Variants in PLEKHA6 observed in about 807,000 individuals in gnomAD.
PLEKHA6 encodes the protein pleckstrin homology domain containing A6, also known as pleckstrin homology domain-containing family A member 6.
Under a neutral mutation model 116.7 loss-of-function variants are expected in PLEKHA6, and 60 were observed. The observed-to-expected ratio is 0.51, with a 90% CI of 0.42 to 0.64. The LOEUF is 0.64. PLEKHA6 is among the 30% of genes least tolerant of loss of function. PLEKHA6 has a pLI of 0.00. For synonymous variants in PLEKHA6, 489 were observed against 556.1 expected, an observed-to-expected ratio of 0.88 and a Z score of 1.70; for missense variants, 1,338 against 1,422.7, an observed-to-expected ratio of 0.94 and a Z score of 0.96.
chr1:204,374,404 T>C (rs1182351456), intron 1 of PLEKHA6, among the ~76,000 whole-genome samples: 1 of 152,138 alleles, frequency 6.6e-6, no homozygotes, highest in African/African-American at 2.4e-5. Context: ...CTAGCCCCTC[T>C]CCGGCACAGA....
In PLEKHA6 at chr1:204,261,114, C is replaced by T. The variant is rs1372019415; in HGVS notation, c.524+192G>A. ...GCTCAGAGAGAAGAGGAGGAGCTGGCTAGGGGAAGAGAGACTTCAGGCTCT... is the reference window on the plus strand; with the variant it reads ...GCTCAGAGAGAAGAGGAGGAGCTGGTTAGGGGAAGAGAGACTTCAGGCTCT... On this transcript the variant is annotated intron_variant, in intron 7 of 22. Coordinates refer to ENST00000272203, the MANE Select transcript of PLEKHA6 (RefSeq NM_014935.5). This position sits in a 1 kb window ranked among gnomAD's most constrained non-coding sequence, Gnocchi z 4.0. 1.3e-5 allele frequency among the ~76,000 whole-genome samples: 2 copies of T among 152,160 alleles called. No individual in the cohort carries two copies. Among genetic ancestry groups the T allele is most frequent in the African/African-American group, 4.8e-5 (2 of 41,442 alleles).
Position 204,261,499 on chromosome 1 carries a change from A to C in PLEKHA6, c.382-51T>G, listed in dbSNP as rs1571946211. ...CTGGCCTCGGCCTCATCCACCCAGCACACAGTCACCTGTTGGGAGAAGACA... is the reference window on the plus strand; with the variant it reads ...CTGGCCTCGGCCTCATCCACCCAGCCCACAGTCACCTGTTGGGAGAAGACA... On this transcript the variant is annotated intron_variant, in intron 6 of 22. Coordinates refer to ENST00000272203, the MANE Select transcript of PLEKHA6 (RefSeq NM_014935.5). This position sits in a 1 kb window ranked among gnomAD's most constrained non-coding sequence, Gnocchi z 4.0. 1 of 1,549,614 alleles carries C rather than the reference A, an allele frequency of 6.5e-7. No individual in the cohort carries two copies.
At chr1:204,250,861 C>A (rs1358820181) in intron 9 of PLEKHA6, among the ~76,000 whole-genome samples, 1 of 152,168 alleles carries the variant, frequency 6.6e-6, no homozygotes, top group Non-Finnish European at 1.5e-5. Context: ...TTGAGTCATG[C>A]TCTGTATTTC....
At chr1:204,313,788 C>A (rs1305637709) in intron 1 of PLEKHA6, 1 of 812,956 alleles carries the variant, frequency 1.2e-6, no homozygotes. Context: ...ATTAAGCAAG[C>A]AGCAGCAAAT....
upstream of PLEKHA6, among the ~76,000 whole-genome samples, chr1:204,363,858 C>T (rs143709927): frequency 1.6e-4 from 25 of 152,118 alleles, no homozygotes; most frequent in East Asian, 4.5e-3. Flanking sequence ...TGGATTCTTG[C>T]GGTAAGTGCA....
At chr1:204,255,578 G>T (rs1194534117) in intron 9 of PLEKHA6, 1 of 700,974 alleles carries the variant, frequency 1.4e-6, no homozygotes, top group Non-Finnish European at 2.6e-6. Flanking sequence ...GTGGAGAGAT[G>T]CGACAGGAAG....
At chr1:204,365,012 C>T (rs1347161821) in intron 3 of PLEKHA6, among the ~76,000 whole-genome samples, 1 of 152,142 alleles carries the variant, frequency 6.6e-6, no homozygotes, top group Non-Finnish European at 1.5e-5. Context: ...AACAAGTGTT[C>T]TCAGGTGGGC....
chr1:204,276,346 C>T (rs1199038009), intron 1 of PLEKHA6, among the ~76,000 whole-genome samples: 1 of 152,096 alleles, frequency 6.6e-6, no homozygotes, highest in East Asian at 1.9e-4. Flanking sequence ...AACTTTATTC[C>T]CACCTCCCTC....
rs575859522 is a variant in PLEKHA6 at position 204,261,568 on chromosome 1, C to T, written c.382-120G>A. ...GCAGTCAGTTGGGCCATTCCCTGCA[C>T]CTGGGGCTCTTCCCCATGCGGAGCT... On this transcript the variant is annotated intron_variant, in intron 6 of 22. Coordinates refer to ENST00000272203, the MANE Select transcript of PLEKHA6 (RefSeq NM_014935.5). This position sits in a 1 kb window ranked among gnomAD's most constrained non-coding sequence, Gnocchi z 4.0. 8 of 1,130,076 alleles carry T rather than the reference C, an allele frequency of 7.1e-6. No individual in the cohort carries two copies. Among genetic ancestry groups the T allele is most frequent in the South Asian group, 3.1e-5 (2 of 63,622 alleles). The allele number at this position is 1,130,076 out of a possible 1,614,324, so 70.0% of individuals were successfully genotyped here. A position where few individuals can be genotyped will look rare whatever the true frequency, so the allele number is the denominator to read the frequency against.
At chr1:204,229,587 A>G (rs1169614590) in intron 18 of PLEKHA6, among the ~76,000 whole-genome samples, 1 of 151,964 alleles carries the variant, frequency 6.6e-6, no homozygotes, top group African/African-American at 2.4e-5. Context: ...TACTTGTTAA[A>G]CATGTTTTTA....
chr1:204,323,887 G>T (rs1572180632), intron 1 of PLEKHA6, among the ~76,000 whole-genome samples: 4 of 152,322 alleles, frequency 2.6e-5, no homozygotes, highest in African/African-American at 9.6e-5. Flanking sequence ...TAAATATCCT[G>T]CTTGAGGATG....
At chr1:204,297,856 G>A (rs1670437042) in intron 1 of PLEKHA6, 1 of 981,964 alleles carries the variant, frequency 1.0e-6, no homozygotes, top group Admixed American at 6.2e-5. Flanking sequence ...GGTTTTGGTT[G>A]CCCAACCTCC....
Position 204,261,508 on chromosome 1 carries a change from C to T in PLEKHA6, c.382-60G>A. On this transcript the variant is annotated intron_variant, in intron 6 of 22. Coordinates refer to ENST00000272203, the MANE Select transcript of PLEKHA6 (RefSeq NM_014935.5). The surrounding 1 kb of genome is among the most constrained non-coding windows in gnomAD (Gnocchi z 4.0). The stretch of plus-strand genomic sequence containing the variant: ...GCCTCATCCACCCAGCACACAGTCA[C>T]CTGTTGGGAGAAGACACCAACGCCC... The T allele has an allele frequency of 6.5e-7, 1 of 1,529,284 alleles. No homozygotes were observed. Among genetic ancestry groups the T allele is most frequent in the Non-Finnish European group, 8.8e-7 (1 of 1,136,268 alleles). 94.7% of individuals were successfully genotyped at this position (1,529,284 alleles called of 1,614,324 possible). A position where few individuals can be genotyped will look rare whatever the true frequency, so the allele number is the denominator to read the frequency against.
intron 1 of PLEKHA6, among the ~76,000 whole-genome samples, chr1:204,331,579 A>G (rs1324998254): frequency 6.6e-6 from 1 of 152,228 alleles, no homozygotes; most frequent in Non-Finnish European, 1.5e-5. Context: ...CAGAAGGGAC[A>G]CGATGAATAT....
At chr1:204,357,736 G>A (rs907378554) in intron 1 of PLEKHA6, among the ~76,000 whole-genome samples, 3 of 151,898 alleles carry the variant, frequency 2.0e-5, no homozygotes, top group Admixed American at 2.0e-4. Context: ...ACCGCAGCCT[G>A]TTCAGCACCA....
intron 9 of PLEKHA6, among the ~76,000 whole-genome samples, chr1:204,256,450 GA>G (rs1338546818): frequency 6.6e-6 from 1 of 152,148 alleles, no homozygotes; most frequent in Non-Finnish European, 1.5e-5. Flanking sequence ...TGCTTCAGGG[GA>G]AAAAAGTTTA....
chr1:204,282,613 C>T, intron 1 of PLEKHA6: 4 of 980,240 alleles, frequency 4.1e-6, no homozygotes, highest in Non-Finnish European at 4.8e-6. Flanking sequence ...GAATATCATT[C>T]CCGGGTACAG....
At chr1:204,281,265 C>T (rs1668568168) in intron 1 of PLEKHA6, among the ~76,000 whole-genome samples, 1 of 152,100 alleles carries the variant, frequency 6.6e-6, no homozygotes, top group African/African-American at 2.4e-5. Flanking sequence ...GTGGCTCACA[C>T]CTGTCACCCC....
At chr1:204,338,012 C>A (rs1672713464) in intron 1 of PLEKHA6, among the ~76,000 whole-genome samples, 1 of 152,230 alleles carries the variant, frequency 6.6e-6, no homozygotes, top group African/African-American at 2.4e-5. Context: ...TTCATCCAAA[C>A]AACCCTATGA....
Sources: gnomAD v4.1 joint callset for allele counts (sites outside exome capture counted in the v4.1 genomes callset) on GRCh38, gnomAD v4.1.1 for gene constraint, Gnocchi (gnomAD v3.1) non-coding constraint, MANE v1.5 for transcripts, NCBI Gene and HGNC (gene_info 2026-07-23, HGNC 2026-07-21) for gene names.